Variants in LRRTM4 observed in about 807,000 individuals in gnomAD.
LRRTM4 encodes the protein leucine rich repeat transmembrane neuronal 4, also known as leucine-rich repeat transmembrane neuronal protein 4.
LRRTM4 carries 25 observed loss-of-function variants against 47.6 expected under a neutral mutation model. That is an observed-to-expected ratio of 0.53 (90% CI 0.38 to 0.73). The LOEUF (loss-of-function observed/expected upper bound fraction) is 0.73. Among genes scored for constraint, LRRTM4 ranks in the 30% least tolerant of loss-of-function variants. The pLI is 0.00. For synonymous variants in LRRTM4, 311 were observed against 269.5 expected (o/e 1.15, Z -1.51); for missense variants, 638 against 713.4 (o/e 0.89, Z 1.20).
At chr2:76,819,473 C>T (rs1010211558) in intron 3 of LRRTM4, among the ~76,000 whole-genome samples, 30 of 151,694 alleles carry the variant, frequency 2.0e-4, no homozygotes, top group Admixed American at 1.8e-3. Flanking sequence ...AAAAACTGAC[C>T]ATTTGGGTCT....
At chr2:76,798,102 A>T (rs1675450388) in intron 3 of LRRTM4, among the ~76,000 whole-genome samples, 1 of 151,888 alleles carries the variant, frequency 6.6e-6, no homozygotes, top group Admixed American at 6.6e-5. Context: ...AAGCAGACCT[A>T]ATAGACATCT....
chr2:76,901,229 G>A (rs1240668594), intron 3 of LRRTM4, among the ~76,000 whole-genome samples: 3 of 152,036 alleles, frequency 2.0e-5, no homozygotes, highest in African/African-American at 7.2e-5. Flanking sequence ...AGGCCCCAGT[G>A]TGTGTTGTTC....
chr2:77,099,786 T>C (rs1319489661), intron 3 of LRRTM4, among the ~76,000 whole-genome samples: 1 of 151,938 alleles, frequency 6.6e-6, no homozygotes, highest in Non-Finnish European at 1.5e-5. Context: ...CTATGGAAAT[T>C]GCATATTAAT....
chr2:76,949,970 C>A, intron 3 of LRRTM4, among the ~76,000 whole-genome samples: 1 of 151,644 alleles, frequency 6.6e-6, no homozygotes, highest in East Asian at 1.9e-4. Flanking sequence ...AGATAGAAGA[C>A]AAAATATATA....
At chr2:77,494,062 T>C (rs1187904183) in intron 3 of LRRTM4, among the ~76,000 whole-genome samples, 2 of 152,112 alleles carry the variant, frequency 1.3e-5, no homozygotes, top group Non-Finnish European at 2.9e-5. Flanking sequence ...GAAATCTCCA[T>C]TGATATTGCA....
chr2:77,168,959 C>T (rs1240528388), intron 3 of LRRTM4, among the ~76,000 whole-genome samples: 2 of 152,084 alleles, frequency 1.3e-5, no homozygotes, highest in African/African-American at 4.8e-5. Context: ...ATCCTATCAA[C>T]ATAATGAAGG....
At chr2:77,438,046 G>A (rs1038057811) in intron 3 of LRRTM4, among the ~76,000 whole-genome samples, 5 of 152,168 alleles carry the variant, frequency 3.3e-5, no homozygotes, top group African/African-American at 1.2e-4. Flanking sequence ...TTAGATTAAG[G>A]ATGCTATGTT....
intron 3 of LRRTM4, among the ~76,000 whole-genome samples, chr2:77,050,309 G>A (rs373501744): frequency 5.3e-5 from 8 of 152,032 alleles, no homozygotes; most frequent in African/African-American, 1.9e-4. Flanking sequence ...ACTTTTGGAT[G>A]GGCCACTGGC....
chr2:77,155,104 T>G (rs1023588508), intron 3 of LRRTM4, among the ~76,000 whole-genome samples: 1 of 152,090 alleles, frequency 6.6e-6, no homozygotes, highest in Non-Finnish European at 1.5e-5. Flanking sequence ...CTTGCTAAGT[T>G]TAAAAAAATA....
chr2:77,010,300 C>T (rs1479320315), intron 3 of LRRTM4, among the ~76,000 whole-genome samples: 1 of 151,964 alleles, frequency 6.6e-6, no homozygotes, highest in African/African-American at 2.4e-5. Context: ...CTTCCATCCC[C>T]TAGCCTTTAA....
At chr2:76,807,997 GTCTCTTTTCTCTCTC>G (rs1231867558) in intron 3 of LRRTM4, among the ~76,000 whole-genome samples, 3 of 79,876 alleles carry the variant, frequency 3.8e-5, no homozygotes, top group African/African-American at 1.5e-4. Context: ...TTTTCTTTCT[GTCTCTTTTCTCTCTC>G]CTTCCTTCCT....
chr2:77,303,965 G>A (rs183221939), intron 3 of LRRTM4, among the ~76,000 whole-genome samples: 2 of 152,230 alleles, frequency 1.3e-5, no homozygotes, highest in East Asian at 3.9e-4. Context: ...TCCTTTGGAT[G>A]TAAACCCAGT....
intron 3 of LRRTM4, among the ~76,000 whole-genome samples, chr2:76,867,188 A>G (rs71420974): frequency 7.2e-5 from 11 of 152,206 alleles, no homozygotes; most frequent in African/African-American, 2.7e-4. Context: ...TACTTATGTA[A>G]CAAAGCTGCA....
chr2:76,776,467 G>A (rs1252741950), intron 3 of LRRTM4, among the ~76,000 whole-genome samples: 1 of 151,996 alleles, frequency 6.6e-6, no homozygotes, highest in African/African-American at 2.4e-5. Context: ...GTGTGAGATG[G>A]TATCTCATTG....
chr2:77,082,465 A>G (rs947964024), intron 3 of LRRTM4, among the ~76,000 whole-genome samples: 4 of 152,118 alleles, frequency 2.6e-5, no homozygotes, highest in African/African-American at 7.2e-5. Context: ...GTTTATGGTA[A>G]ATTTGTACAA....
In LRRTM4 at chr2:76,983,083, T is replaced by G. The variant is rs970415933; in HGVS notation, c.1552-234167A>C. On this transcript the variant is annotated intron_variant, in intron 3 of 3. Coordinates refer to ENST00000409884, the MANE Select transcript of LRRTM4 (RefSeq NM_001134745.3). ...TTGTGTCCTTTACATTCAAACAGATTTTAAATAATAGTTCACTTAATCCCA... is the reference window on the plus strand; with the variant it reads ...TTGTGTCCTTTACATTCAAACAGATGTTAAATAATAGTTCACTTAATCCCA... Among the ~76,000 whole-genome samples, 15 of 152,180 alleles carry G rather than the reference T, an allele frequency of 9.9e-5. No individual in the cohort carries two copies. The East Asian group carries it at 2.9e-3, about 30-fold the overall frequency.
intron 3 of LRRTM4, among the ~76,000 whole-genome samples, chr2:76,999,465 T>TA (rs1292846732): frequency 6.7e-6 from 1 of 149,428 alleles, no homozygotes; most frequent in Non-Finnish European, 1.5e-5. Flanking sequence ...AAAAAAGCGT[T>TA]GGTGAGGAGT....
intron 3 of LRRTM4, among the ~76,000 whole-genome samples, chr2:77,101,430 C>G (rs528525964): frequency 1.3e-5 from 2 of 152,210 alleles, no homozygotes; most frequent in East Asian, 3.9e-4. Context: ...ACCACCAAAA[C>G]TGAGTAATGC....
At chr2:77,382,351 C>A (rs982981784) in intron 3 of LRRTM4, among the ~76,000 whole-genome samples, 3 of 152,052 alleles carry the variant, frequency 2.0e-5, no homozygotes, top group African/African-American at 7.2e-5. Flanking sequence ...AGAAACCCTG[C>A]GCTTGTCAAC....
Sources: allele counts gnomAD v4.1 joint callset (sites outside exome capture counted in the v4.1 genomes callset), GRCh38; gene constraint gnomAD v4.1.1; transcripts MANE v1.5; gene names NCBI Gene and HGNC (gene_info 2026-07-23, HGNC 2026-07-21).